The following DSCC1 variants were observed in gnomAD, a reference collection of about 807,000 sequenced individuals.
The protein encoded by DSCC1 is sister chromatid cohesion protein DCC1.
DSCC1 carries 32 observed loss-of-function variants against 48.2 expected under a neutral mutation model. The observed-to-expected ratio is 0.66, with a 90% CI of 0.50 to 0.89. The LOEUF (loss-of-function observed/expected upper bound fraction) is 0.89, where lower values mean the gene tolerates loss of function less well. DSCC1 is among the 40% of genes least tolerant of loss of function. DSCC1 has a pLI of 0.00. For missense variants in DSCC1, 421 were observed against 471.7 expected (o/e 0.89, Z 1.00); for synonymous variants, 150 against 171.5 (o/e 0.87, Z 0.98).
chr8:119,841,871 A>T lies in DSCC1; in HGVS notation c.847T>A (p.Phe283Ile), dbSNP rs775152633. ...ACTTCTTGAAACTCAGCGAGATTGA[A>T]TTTCACCGCATTCTGAAGTAGCATT... ...ARMLLQNAVK[F>I]NLAEFQEVWQ... The change falls in exon 7 of 9, where the codon TTC (phenylalanine) becomes ATC (isoleucine). Residue 283 changes from phenylalanine (F) to isoleucine (I), a missense_variant. Around this residue, in one of 3 missense-constraint regions of DSCC1, gnomAD observed 238 missense variants for 259.0 expected, o/e 0.92. Coordinates refer to ENST00000313655, the MANE Select transcript of DSCC1 (RefSeq NM_024094.3). 6.2e-7 allele frequency: 1 copy of T among 1,614,122 alleles called. No individual in the cohort carries two copies. The highest frequency in any genetic ancestry group is 2.2e-5 in the East Asian group (1 of 44,878).
chr8:119,841,649 G>T (rs1343657766), intron 7 of DSCC1, 145 bp downstream of exon 7: 1 of 665,638 alleles, frequency 1.5e-6, no homozygotes, highest in Admixed American at 3.1e-5. Context: ...GGGTTTTAAG[G>T]ACTATGTGAT....
rs772363854 is a variant in DSCC1, at chr8:119,834,873, A to C, written c.*20T>G. The C allele has an allele frequency of 2.6e-6, 4 of 1,510,908 alleles. No homozygotes were observed. The highest frequency in any genetic ancestry group is 3.7e-6 in the Non-Finnish European group (4 of 1,092,126). The allele number at this position is 1,510,908 out of a possible 1,614,324, so 93.6% of individuals were successfully genotyped here. On this transcript the variant is annotated 3_prime_UTR_variant, in exon 9 of 9. Transcript: ENST00000313655. The stretch of plus-strand genomic sequence containing the variant: ...ACTTTATAAAGCAACTTGAGTCCTG[A>C]AGAAAAGACCGTTGTTCTTTTAAGA...
At chr8:119,842,895 T>G (rs1826794312) in intron 5 of DSCC1, 67 bp from the exon 6 acceptor site, 12 of 1,294,036 alleles carry the variant, frequency 9.3e-6, no homozygotes, top group Non-Finnish European at 1.3e-5. Context: ...TTAACCCCAT[T>G]GCCAACTCAA....
chr8:119,841,330 A>G (rs1349064952), intron 7 of DSCC1, among the ~76,000 whole-genome samples: 1 of 152,208 alleles, frequency 6.6e-6, no homozygotes, highest in African/African-American at 2.4e-5. Flanking sequence ...GTAGCGTCAC[A>G]GAGAATGGAT....
chr8:119,855,531 C>T lies in DSCC1; in HGVS notation c.182+83G>A, dbSNP rs941494579. The T allele has an allele frequency of 1.6e-4, 239 of 1,478,458 alleles. 2 individuals are homozygous for T. Among genetic ancestry groups the T allele is most frequent in the Non-Finnish European group, 3.1e-5 (35 of 1,117,824 alleles). The allele number at this position is 1,478,458 out of a possible 1,614,324, so 91.6% of individuals were successfully genotyped here. On this transcript the variant is annotated intron_variant, in intron 1 of 8. Transcript: ENST00000313655. Reference sequence around the variant, plus strand: ...GGCCAGGTCAGTGCATCTCTCTGGCCCTGTTTTCTTATCCCGACTTTCCCC... The same window carrying T: ...GGCCAGGTCAGTGCATCTCTCTGGCTCTGTTTTCTTATCCCGACTTTCCCC...
Position 119,843,592 on chromosome 8 carries a change from GA to G in DSCC1, c.716+16del, listed in dbSNP as rs770065411. 4.4e-6 allele frequency: 7 copies of G among 1,596,108 alleles called. No individual in the cohort carries two copies. The highest frequency in any genetic ancestry group is 4.3e-6 in the Non-Finnish European group (5 of 1,175,592). On this transcript the variant is annotated intron_variant, in intron 5 of 8. Coordinates refer to ENST00000313655, the MANE Select transcript of DSCC1 (RefSeq NM_024094.3). The stretch of plus-strand genomic sequence containing the variant: ...CCCTTAAGGAAATCTGGATAGACAA[GA>G]AATTAAAATACTTACTCTGGCTCCA...
intron 4 of DSCC1, among the ~76,000 whole-genome samples, chr8:119,844,158 C>T (rs1183123258): frequency 6.6e-6 from 1 of 151,576 alleles, no homozygotes; most frequent in Non-Finnish European, 1.5e-5. Context: ...AGACACTAGG[C>T]TGGGCGTGCT....
At chr8:119,842,683 G>T in intron 6 of DSCC1, 93 bp downstream of exon 6, 1 of 1,195,608 alleles carries the variant, frequency 8.4e-7, no homozygotes, top group Non-Finnish European at 1.2e-6. Context: ...ACTGCACCCA[G>T]CCAGAGTTCT....
chr8:119,850,814 G>A (rs1228016747), intron 2 of DSCC1, among the ~76,000 whole-genome samples: 2 of 152,082 alleles, frequency 1.3e-5, no homozygotes, highest in Non-Finnish European at 2.9e-5. Flanking sequence ...ACAGGATGGT[G>A]ACAATTCTCC....
At chr8:119,855,435 C>T (rs1276431262) in intron 1 of DSCC1, among the ~76,000 whole-genome samples, 179 bp downstream of exon 1, 1 of 152,214 alleles carries the variant, frequency 6.6e-6, no homozygotes, top group Non-Finnish European at 1.5e-5. Context: ...CTCATCACCG[C>T]AGTGCAGCTA....
At chr8:119,847,980 TTTTG>T (rs201972540) in intron 3 of DSCC1, among the ~76,000 whole-genome samples, 59,331 of 142,846 alleles carry the variant, frequency 0.42, 13,042 homozygotes, top group African/African-American at 0.62. Context: ...TTGTTTTTGT[TTTTG>T]TTTTTTTTAA....
chr8:119,848,584 C>T (rs1278335019), intron 3 of DSCC1, among the ~76,000 whole-genome samples: 1 of 152,172 alleles, frequency 6.6e-6, no homozygotes, highest in Non-Finnish European at 1.5e-5. Flanking sequence ...TCTACAGAGT[C>T]ACCACATGAC....
chr8:119,847,667 C>CT (rs869072335), intron 3 of DSCC1, among the ~76,000 whole-genome samples: 1,994 of 52,890 alleles, frequency 0.038, 28 homozygotes, highest in Non-Finnish European at 0.055. Context: ...TCTTCTTTTT[C>CT]TTTTTTTTTT....
Position 119,853,211 on chromosome 8 carries a change from C to T in DSCC1, c.187G>A (p.Val63Met). The T allele has an allele frequency of 6.2e-7, 1 of 1,602,636 alleles. No individual in the cohort carries two copies. Among genetic ancestry groups the T allele is most frequent in the Non-Finnish European group, 8.5e-7 (1 of 1,173,196 alleles). The change falls in exon 2 of 9, where the codon GTG becomes ATG. Residue 63 changes from valine (V) to methionine (M), a missense_variant. Val to Met is a conservative substitution (Grantham distance 21, BLOSUM62 1). Coordinates refer to ENST00000313655, the MANE Select transcript of DSCC1 (RefSeq NM_024094.3). ...TGCTCGTCTTTATCACCACGAATCA[C>T]AAGACTGTAGCAAAATGGGGGAAAA... ...CQQLEDGHSL[V>M]IRGDKDEQAV...
intron 1 of DSCC1, among the ~76,000 whole-genome samples, chr8:119,855,268 T>C (rs548923186): frequency 6.6e-4 from 100 of 152,354 alleles, no homozygotes; most frequent in African/African-American, 2.3e-3. Flanking sequence ...TCTATAAACA[T>C]TGGGTATCAC....
intron 1 of DSCC1, among the ~76,000 whole-genome samples, chr8:119,854,216 TC>T (rs1477796588): frequency 6.6e-6 from 1 of 151,566 alleles, no homozygotes; most frequent in Admixed American, 6.6e-5. Context: ...GAGACCCTGT[TC>T]CCACCACTCT....
At chr8:119,844,920 T>TGCAAG (rs1238365775) in intron 4 of DSCC1, among the ~76,000 whole-genome samples, 59 of 152,138 alleles carry the variant, frequency 3.9e-4, no homozygotes, top group Non-Finnish European at 7.8e-4. Flanking sequence ...GAGGCATTTC[T>TGCAAG]ATACTCATGA....
intron 7 of DSCC1, among the ~76,000 whole-genome samples, chr8:119,841,581 T>C (rs1007081001): frequency 1.3e-5 from 2 of 152,200 alleles, no homozygotes; most frequent in Non-Finnish European, 1.5e-5. Context: ...TTTAAAATTA[T>C]TAAAAATATT....
chr8:119,855,264 A>C lies in DSCC1; in HGVS notation c.182+350T>G, dbSNP rs1826999284. Among the ~76,000 whole-genome samples the C allele has an allele frequency of 2.6e-5, 4 of 152,318 alleles. No homozygotes were observed. The South Asian group carries it at 8.3e-4, about 32-fold the overall frequency. ...ATAAGTGGAAGGCAAGAGTTCTATA[A>C]ACATTGGGTATCACCACTGTATTTT... On this transcript the variant is annotated intron_variant, in intron 1 of 8. Transcript: ENST00000313655.
Sources: gnomAD v4.1 joint callset for allele counts (sites outside exome capture counted in the v4.1 genomes callset) on GRCh38, gnomAD v4.1.1 for gene constraint, gnomAD v4.1.1 regional missense constraint, MANE v1.5 for transcripts, NCBI Gene and HGNC (gene_info 2026-07-23, HGNC 2026-07-21) for gene names.